RABL2A: variants seen among roughly 807,000 people sequenced by gnomAD.
RABL2A encodes the protein RAB, member of RAS oncogene family like 2A, also known as rab-like protein 2A.
RABL2A carries 17 observed loss-of-function variants against 30.7 expected under a neutral mutation model. That is an observed-to-expected ratio of 0.55 (90% CI 0.38 to 0.83). The LOEUF (loss-of-function observed/expected upper bound fraction) is 0.83. Ranked by LOEUF, RABL2A falls within the 40% of genes least tolerant of loss-of-function variation. The probability of loss-of-function intolerance (pLI) is 0.00; values close to 1 mark genes in which losing one functional copy is unlikely to be tolerated. For synonymous variants in RABL2A, 64 were observed against 101.8 expected (o/e 0.63, Z 2.24); for missense variants, 155 against 272.6 (o/e 0.57, Z 3.04).
chr2:113,637,000 A>AAT (rs1683102745), intron 5 of RABL2A, among the ~76,000 whole-genome samples: 4 of 143,820 alleles, frequency 2.8e-5, no homozygotes, highest in South Asian at 2.2e-4. Flanking sequence ...AAAAAAATAA[A>AAT]AAAATAAAAA....
rs536587384 is a variant in RABL2A at position 113,633,786 on chromosome 2, G to A, written c.138-367G>A. On this transcript the variant is annotated intron_variant, in intron 3 of 8. Transcript: ENST00000683472. ...CTGGAATGGTCATGTTGCTACCTAG[G>A]GTTAGGGTTTCCTTTCTAGCCTGCG... The A allele has an allele frequency of 1.5e-3, 410 of 282,002 alleles. 1 individual carries two copies. Among genetic ancestry groups the A allele is most frequent in the African/African-American group, 8.0e-3 (370 of 46,422 alleles). The allele number at this position is 282,002 out of a possible 1,614,324, so 17.5% of individuals were successfully genotyped here. A position where few individuals can be genotyped will look rare whatever the true frequency, so the allele number is the denominator to read the frequency against.
intron 2 of RABL2A, among the ~76,000 whole-genome samples, chr2:113,630,954 G>A (rs1362264657): frequency 2.0e-5 from 3 of 152,052 alleles, no homozygotes; most frequent in Non-Finnish European, 2.9e-5. Flanking sequence ...CTGGAGTACA[G>A]TGGGGCAATC....
Position 113,642,136 on chromosome 2 carries a change from G to A in RABL2A, c.*7G>A, listed in dbSNP as rs1036748655. 5.6e-6 allele frequency: 9 copies of A among 1,613,636 alleles called. No individual in the cohort carries two copies. The African/African-American group carries it at 6.7e-5, about 12-fold the overall frequency. On this transcript the variant is annotated 3_prime_UTR_variant, in exon 9 of 9. Coordinates refer to ENST00000683472, the MANE Select transcript of RABL2A (RefSeq NM_001306158.2). ...GGCCTCTCCCCACAGCTGAGGGGCT[G>A]GGGCTAGGGGTGGGTGGAGCCCTTT...
chr2:113,641,203 C>T lies in RABL2A; in HGVS notation c.410-150C>T, dbSNP rs1371424370. ...AAGCCGACCTGCCCTCTTTCCAAGA[C>T]ACAGATCCCTATTAACTGAGCTCTT... On this transcript the variant is annotated intron_variant, in intron 6 of 8. Coordinates refer to ENST00000683472, the MANE Select transcript of RABL2A (RefSeq NM_001306158.2). 2.3e-6 allele frequency: 3 copies of T among 1,323,628 alleles called. No homozygotes were observed. In the African/African-American group the frequency reaches 4.4e-5, roughly 19 times the overall value. The allele number at this position is 1,323,628 out of a possible 1,614,324, so 82.0% of individuals were successfully genotyped here.
rs1685018957 is a variant in RABL2A, at chr2:113,641,219, C to G, written c.410-134C>G. The G allele has an allele frequency of 6.0e-5, 88 of 1,459,720 alleles. 2 individuals are homozygous for G. In the South Asian group the frequency reaches 1.1e-3, roughly 18 times the overall value. 90.4% of individuals were successfully genotyped at this position (1,459,720 alleles called of 1,614,324 possible). On this transcript the variant is annotated intron_variant, in intron 6 of 8. Transcript: ENST00000683472. ...TTTCCAAGACACAGATCCCTATTAA[C>G]TGAGCTCTTTCTAGGACATGTTTCC... is the stretch of plus-strand genomic sequence containing the variant.
At chr2:113,636,286 A>T (rs1411522749) in intron 5 of RABL2A, among the ~76,000 whole-genome samples, 3 of 152,060 alleles carry the variant, frequency 2.0e-5, no homozygotes, top group Admixed American at 2.0e-4. Context: ...GGCGGTACAA[A>T]ACAACCATTT....
Position 113,642,263 on chromosome 2 carries a change from C to T in RABL2A, c.*134C>T, listed in dbSNP as rs868266820. ...GCAACCCACCCATCCTATTAGCCTC[C>T]CACATTCAAGGCCCGTGATACAGGG... On this transcript the variant is annotated 3_prime_UTR_variant, in exon 9 of 9. Coordinates refer to ENST00000683472, the MANE Select transcript of RABL2A (RefSeq NM_001306158.2). 6.7e-7 allele frequency: 1 copy of T among 1,482,038 alleles called. No homozygotes were observed. Among genetic ancestry groups the T allele is most frequent in the Admixed American group, 2.3e-5 (1 of 43,554 alleles). The allele number at this position is 1,482,038 out of a possible 1,614,324, so 91.8% of individuals were successfully genotyped here.
Position 113,637,233 on chromosome 2 carries a change from T to C in RABL2A, c.297+2103T>C, listed in dbSNP as rs531539512. 17 of 335,616 alleles carry C rather than the reference T, an allele frequency of 5.1e-5. No individual in the cohort carries two copies. The East Asian group carries it at 2.7e-3, about 52-fold the overall frequency. The allele number at this position is 335,616 out of a possible 1,614,324, so 20.8% of individuals were successfully genotyped here. A position where few individuals can be genotyped will look rare whatever the true frequency, so the allele number is the denominator to read the frequency against. The stretch of plus-strand genomic sequence containing the variant: ...CACCTGCTCCTCTGCACACCTTCCT[T>C]CATGCTCTTCCCTCAGCCTCTCCCC... On this transcript the variant is annotated intron_variant, in intron 5 of 8. Transcript: ENST00000683472.
intron 5 of RABL2A, among the ~76,000 whole-genome samples, chr2:113,636,645 A>G (rs889505253): frequency 3.3e-5 from 5 of 152,204 alleles, no homozygotes; most frequent in African/African-American, 9.6e-5. Flanking sequence ...ATATGGTTAA[A>G]AGAACACATG....
At chr2:113,639,162 C>T (rs1394480593) in intron 5 of RABL2A, among the ~76,000 whole-genome samples, 2 of 152,008 alleles carry the variant, frequency 1.3e-5, no homozygotes, top group Non-Finnish European at 2.9e-5. Context: ...TGGCATGTGC[C>T]TGTAGTTCCA....
chr2:113,635,125 A>T lies in RABL2A; in HGVS notation c.292A>T (p.Ile98Phe), dbSNP rs1180144080. 4 of 1,614,162 alleles carry T rather than the reference A, an allele frequency of 2.5e-6. No homozygotes were observed. Among genetic ancestry groups the T allele is most frequent in the Non-Finnish European group, 3.4e-6 (4 of 1,180,016 alleles). ...ASYYHKAHAC[I>F]MVFDIQRKVT... ...CTACTACCACAAGGCCCATGCCTGC[A>T]TCATGGTACGAGACGGTGGGGAGGT... The change falls in exon 5 of 9, where the codon ATC becomes TTC. Residue 98 changes from isoleucine to phenylalanine, a missense_variant. This residue lies in a region of RABL2A where 82 missense variants were observed against 103.2 expected (regional missense o/e 0.79). Coordinates refer to ENST00000683472, the MANE Select transcript of RABL2A (RefSeq NM_001306158.2).
At position 113,643,038 on chromosome 2, in the gene RABL2A, C is replaced by T. The variant is rs1013408673; in HGVS notation, c.*909C>T. Reference sequence around the variant, plus strand: ...CTAGGTAAAGCTGAGATCACAGGAACAGCAGGTGACAGGCCTAGCTATAGT... The same window carrying T: ...CTAGGTAAAGCTGAGATCACAGGAATAGCAGGTGACAGGCCTAGCTATAGT... On this transcript the variant is annotated 3_prime_UTR_variant, in exon 9 of 9. Coordinates refer to ENST00000683472, the MANE Select transcript of RABL2A (RefSeq NM_001306158.2). 14 of 411,278 alleles carry T rather than the reference C, an allele frequency of 3.4e-5. No individual in the cohort carries two copies. The highest frequency in any genetic ancestry group is 2.9e-4 in the African/African-American group (14 of 47,736). The allele number at this position is 411,278 out of a possible 1,614,324, so 25.5% of individuals were successfully genotyped here.
chr2:113,631,496 G>C (rs1042664355), intron 2 of RABL2A, among the ~76,000 whole-genome samples: 1 of 152,168 alleles, frequency 6.6e-6, no homozygotes, highest in Admixed American at 6.5e-5. Flanking sequence ...CCAGTGACCA[G>C]TGCCTACTCT....
At chr2:113,633,677 C>A (rs553971955) in intron 3 of RABL2A, 64 of 200,864 alleles carry the variant, frequency 3.2e-4, no homozygotes, top group African/African-American at 1.4e-3. Context: ...AGAGTTTAAC[C>A]CTTTTTCTCA....
At chr2:113,630,723 C>T (rs1423623773) in intron 2 of RABL2A, among the ~76,000 whole-genome samples, 2 of 151,970 alleles carry the variant, frequency 1.3e-5, no homozygotes, top group Non-Finnish European at 2.9e-5. Flanking sequence ...CCCCTACCCC[C>T]TGTGAACAGG....
At chr2:113,633,170 T>C (rs1681096827) in intron 3 of RABL2A, 1 of 670,254 alleles carries the variant, frequency 1.5e-6, no homozygotes, top group Admixed American at 2.1e-5. Flanking sequence ...TTGGATTGTT[T>C]TATATTAAGA....
intron 5 of RABL2A, among the ~76,000 whole-genome samples, chr2:113,637,008 A>AAT (rs1316879020): frequency 2.1e-5 from 3 of 141,174 alleles, no homozygotes; most frequent in East Asian, 2.3e-4. Context: ...AAAAAAATAA[A>AAT]AAAATAAAGT....
chr2:113,639,750 G>T (rs933099830), intron 5 of RABL2A, among the ~76,000 whole-genome samples: 10 of 152,056 alleles, frequency 6.6e-5, no homozygotes, highest in African/African-American at 2.4e-4. Flanking sequence ...CAGCTACTGA[G>T]GAGGCTGAGA....
chr2:113,641,205 C>G, intron 6 of RABL2A, 148 bp from the exon 7 acceptor site: 4 of 1,344,608 alleles, frequency 3.0e-6, no homozygotes, highest in Non-Finnish European at 4.1e-6. Context: ...TTCCAAGACA[C>G]AGATCCCTAT....
Sources: gnomAD v4.1 joint callset for allele counts (sites outside exome capture counted in the v4.1 genomes callset) on GRCh38, gnomAD v4.1.1 for gene constraint, gnomAD v4.1.1 regional missense constraint, MANE v1.5 for transcripts, NCBI Gene and HGNC (gene_info 2026-07-23, HGNC 2026-07-21) for gene names.